Variants in UACA observed in about 807,000 individuals in gnomAD.
UACA encodes the protein nuclear membrane binding protein.
Under a neutral mutation model 160.5 loss-of-function variants are expected in UACA, and 112 were observed. That is an observed-to-expected ratio of 0.70 (90% confidence interval 0.60 to 0.82). The LOEUF (loss-of-function observed/expected upper bound fraction) is 0.82. UACA is among the 40% of genes least tolerant of loss of function. UACA has a pLI of 0.00. For missense variants in UACA, 1,574 were observed against 1,614.6 expected (o/e 0.97, Z 0.43); for synonymous variants, 557 against 568.4 (o/e 0.98, Z 0.29).
chr15:70,668,524 T>C lies in UACA; in HGVS notation c.2160A>G (p.Glu720=). The change falls in exon 16 of 19, where the codon GAA becomes GAG. Residue 720 remains glutamate, a synonymous_variant. Transcript: ENST00000322954. ...GGAGCTTATTATCCAAATAAACTTT[T>C]TCAATTTCCTTTTGTAGTGTCTGAT... ...LKNQTLQKEI[E]KVYLDNKLLK... 6.2e-7 allele frequency: 1 copy of C among 1,610,046 alleles called. No homozygotes were observed. Among genetic ancestry groups the C allele is most frequent in the Admixed American group, 1.7e-5 (1 of 59,302 alleles).
At chr15:70,663,763 G>A (rs751641541) in intron 17 of UACA, among the ~76,000 whole-genome samples, 21 of 150,560 alleles carry the variant, frequency 1.4e-4, no homozygotes, top group African/African-American at 2.7e-4. Context: ...GCAAACTATC[G>A]CAACGACAAA....
intron 1 of UACA, among the ~76,000 whole-genome samples, chr15:70,729,707 C>A (rs1261820427): frequency 7.0e-6 from 1 of 142,786 alleles, no homozygotes; most frequent in Non-Finnish European, 1.5e-5. Flanking sequence ...CAGCTCCCAG[C>A]GTGAGCGACG....
chr15:70,671,206 A>G (rs781413165), intron 14 of UACA, 115 bp from the exon 15 acceptor site: 4 of 661,214 alleles, frequency 6.0e-6, no homozygotes, highest in Non-Finnish European at 7.5e-6. Context: ...CAAGAGGTAC[A>G]ACACAAAAGT....
intron 1 of UACA, among the ~76,000 whole-genome samples, chr15:70,760,822 C>T (rs964821602): frequency 7.0e-6 from 1 of 143,576 alleles, no homozygotes; most frequent in Non-Finnish European, 1.5e-5. Context: ...AAAAAAAAAA[C>T]AGAAAAAGAA....
intron 1 of UACA, among the ~76,000 whole-genome samples, chr15:70,700,507 T>A (rs192452104): frequency 6.6e-6 from 1 of 151,920 alleles, no homozygotes; most frequent in Admixed American, 6.6e-5. Context: ...TCCACATGTA[T>A]TGTTTTTATA....
At chr15:70,725,280 T>C (rs567856062) in intron 1 of UACA, among the ~76,000 whole-genome samples, 1 of 152,328 alleles carries the variant, frequency 6.6e-6, no homozygotes, top group East Asian at 1.9e-4. Flanking sequence ...ATATTTATAA[T>C]AGAATAAAAT....
At chr15:70,700,923 C>A (rs10518919) in intron 1 of UACA, among the ~76,000 whole-genome samples, 30,228 of 151,852 alleles carry the variant, frequency 0.2, 4,889 homozygotes, top group African/African-American at 0.45. Flanking sequence ...ATATCCTCTA[C>A]ATGTTTGATC....
intron 13 of UACA, among the ~76,000 whole-genome samples, chr15:70,674,866 G>A (rs557138527): frequency 1.2e-4 from 18 of 152,234 alleles, no homozygotes; most frequent in African/African-American, 1.7e-4. Context: ...CCAAAAGTGC[G>A]GGGATTACAG....
At chr15:70,748,306 C>G (rs1352783356) in intron 1 of UACA, among the ~76,000 whole-genome samples, 2 of 152,200 alleles carry the variant, frequency 1.3e-5, no homozygotes, top group Non-Finnish European at 2.9e-5. Flanking sequence ...GAGCATCTCT[C>G]TAAGTGTAGT....
intron 1 of UACA, among the ~76,000 whole-genome samples, chr15:70,715,586 CAT>C (rs1364856314): frequency 6.6e-6 from 1 of 152,118 alleles, no homozygotes; most frequent in East Asian, 1.9e-4. Context: ...TACAGGAAAG[CAT>C]ATGTTTTTGT....
intron 17 of UACA, 84 bp from the exon 18 acceptor site, chr15:70,660,300 A>C: frequency 8.7e-7 from 1 of 1,142,864 alleles, no homozygotes; most frequent in South Asian, 1.3e-5. Context: ...TCATGCTACA[A>C]AACTATTATT....
In UACA at chr15:70,676,550, T is replaced by C. The variant is rs1897308778; in HGVS notation, c.1074A>G (p.Gln358=). Residue 358 remains glutamine, a synonymous_variant, in exon 13 of 19, where the codon CAA becomes CAG. Coordinates refer to ENST00000322954, the MANE Select transcript of UACA (RefSeq NM_018003.4). The part of the protein sequence containing the change: ...LKSLLAAKEK[Q]HEESLRTIEA... ...CAATAGTCCTTAAGCTTTCTTCATG[T>C]TGCTTTTCTTTAGCTGCCAAAAGGG... 1 of 1,612,962 alleles carries C rather than the reference T, an allele frequency of 6.2e-7. No homozygotes were observed. The highest frequency in any genetic ancestry group is 2.2e-5 in the East Asian group (1 of 44,766).
chr15:70,709,983 A>C (rs986428618), intron 1 of UACA, among the ~76,000 whole-genome samples: 3 of 152,144 alleles, frequency 2.0e-5, no homozygotes, highest in South Asian at 4.1e-4. Context: ...CCCTTTAAAA[A>C]TCTAATGAGG....
At position 70,695,105 on chromosome 15, in the gene UACA, G is replaced by A. The variant is rs1304730821; in HGVS notation, c.213C>T (p.Val71=). The A allele has an allele frequency of 7.0e-6, 11 of 1,581,964 alleles. No individual in the cohort carries two copies. The Admixed American group carries it at 7.3e-5, about 10-fold the overall frequency. The part of the protein sequence containing the change: ...PGKLDVEGRS[V]FHVVTSKGNL... ...TCCCCTTTGAGGTCACAACATGGAA[G>A]CTAAACAAAAAAAAAATATTTGTTG... The change falls in exon 3 of 19, where the codon GTC becomes GTT. Residue 71 remains valine, a splice_region_variant and synonymous_variant. Transcript: ENST00000322954.
At chr15:70,682,901 G>T in intron 8 of UACA, 106 bp from the exon 9 acceptor site, 2 of 628,284 alleles carry the variant, frequency 3.2e-6, no homozygotes, top group Non-Finnish European at 5.1e-6. Flanking sequence ...ATAAACTTTA[G>T]AGTTTCCTCT....
At chr15:70,700,640 G>C (rs1253362070) in intron 1 of UACA, among the ~76,000 whole-genome samples, 1 of 151,868 alleles carries the variant, frequency 6.6e-6, no homozygotes, top group African/African-American at 2.4e-5. Context: ...TCTAACTTTA[G>C]AGAAAATACA....
chr15:70,719,012 C>T (rs1174792950), intron 1 of UACA, among the ~76,000 whole-genome samples: 5 of 150,514 alleles, frequency 3.3e-5, no homozygotes, highest in Admixed American at 6.6e-5. Context: ...AAAGGAATCC[C>T]CCAGTCATAG....
rs995153906 is a variant in UACA, at chr15:70,711,848, G to A, written c.79-12188C>T. ...GAGGGAAAGTCAGAAAAGTTCTATA[G>A]AGATGACTAACCTATCTATTAAAAG... On this transcript the variant is annotated intron_variant, in intron 1 of 18. Transcript: ENST00000322954. Among the ~76,000 whole-genome samples the A allele has an allele frequency of 2.0e-5, 3 of 152,188 alleles. No homozygotes were observed. In the East Asian group the frequency reaches 5.8e-4, roughly 29 times the overall value.
intron 1 of UACA, among the ~76,000 whole-genome samples, chr15:70,735,004 G>A (rs796146718): frequency 0.012 from 188 of 15,904 alleles, 2 homozygotes; most frequent in African/African-American, 0.031. Context: ...TGGTGGGGTC[G>A]GGGGAGGGGG....
Sources: allele counts gnomAD v4.1 joint callset (sites outside exome capture counted in the v4.1 genomes callset), GRCh38; gene constraint gnomAD v4.1.1; transcripts MANE v1.5; gene names NCBI Gene and HGNC (gene_info 2026-07-23, HGNC 2026-07-21).